TAS2R1: variants seen among roughly 807,000 people sequenced by gnomAD.
TAS2R1 encodes taste 2 receptor member 1, also known as taste receptor type 2 member 1.
For synonymous variants in TAS2R1, 141 were observed against 134.2 expected (o/e 1.05, Z -0.35); for missense variants, 370 against 353.4 (o/e 1.05, Z -0.38).
chr5:9,881,141 G>T, the TAS2R1 span, among the ~76,000 whole-genome samples: 1 of 152,064 alleles, frequency 6.6e-6, no homozygotes, highest in Non-Finnish European at 1.5e-5. Flanking sequence ...CCAAAGTGGG[G>T]CAACTTCAGC....
chr5:9,683,501 C>T (rs1741067939), intron 1 of TAS2R1, among the ~76,000 whole-genome samples: 1 of 152,172 alleles, frequency 6.6e-6, no homozygotes, highest in Admixed American at 6.5e-5. Flanking sequence ...GCAACACATC[C>T]TAATGCTCAA....
At chr5:9,877,174 A>G in the TAS2R1 span, among the ~76,000 whole-genome samples, 1 of 152,140 alleles carries the variant, frequency 6.6e-6, no homozygotes, top group Non-Finnish European at 1.5e-5. Flanking sequence ...TATTTTCACA[A>G]CTGGCCTCTC....
chr5:9,764,228 T>C, the TAS2R1 span, among the ~76,000 whole-genome samples: 1 of 152,268 alleles, frequency 6.6e-6, no homozygotes, highest in South Asian at 2.1e-4. Flanking sequence ...CTTCTTCATC[T>C]GAAATTTTCA....
the TAS2R1 span, among the ~76,000 whole-genome samples, chr5:9,826,407 T>C: frequency 6.6e-6 from 1 of 152,218 alleles, no homozygotes; most frequent in Non-Finnish European, 1.5e-5. Flanking sequence ...TACTAATACC[T>C]ACATGATCCC....
At chr5:9,718,948 G>A in the TAS2R1 span, among the ~76,000 whole-genome samples, 2 of 152,142 alleles carry the variant, frequency 1.3e-5, no homozygotes, top group Non-Finnish European at 2.9e-5. Flanking sequence ...AGGCTAAAGA[G>A]TCATGACAAC....
chr5:9,882,665 A>G, the TAS2R1 span, among the ~76,000 whole-genome samples: 1 of 152,250 alleles, frequency 6.6e-6, no homozygotes, highest in African/African-American at 2.4e-5. Context: ...TAAATAGTCA[A>G]GAAACAACAG....
chr5:9,698,654 T>C (rs1325378422), intron 1 of TAS2R1, among the ~76,000 whole-genome samples: 1 of 152,132 alleles, frequency 6.6e-6, no homozygotes, highest in Non-Finnish European at 1.5e-5. Flanking sequence ...AGAAGTCAGA[T>C]GAATTCTATT....
At chr5:9,846,449 ATTTCTATGCAT>A in the TAS2R1 span, among the ~76,000 whole-genome samples, 1 of 152,140 alleles carries the variant, frequency 6.6e-6, no homozygotes, top group Non-Finnish European at 1.5e-5. Context: ...CGGACACGCT[ATTTCTATGCAT>A]TTGTCTTAGA....
chr5:9,868,399 T>C, the TAS2R1 span, among the ~76,000 whole-genome samples: 1 of 152,206 alleles, frequency 6.6e-6, no homozygotes, highest in Non-Finnish European at 1.5e-5. Flanking sequence ...ACGTGGAAGC[T>C]GTTAAGGCTT....
the TAS2R1 span, among the ~76,000 whole-genome samples, chr5:9,821,131 T>C: frequency 6.6e-6 from 1 of 152,078 alleles, no homozygotes; most frequent in African/African-American, 2.4e-5. Context: ...CTTTATTGGT[T>C]CTAAATATAA....
the TAS2R1 span, among the ~76,000 whole-genome samples, chr5:9,877,573 T>A: frequency 6.6e-6 from 1 of 152,268 alleles, no homozygotes; most frequent in African/African-American, 2.4e-5. Flanking sequence ...AAGCAATCTG[T>A]CATCAATTGT....
the TAS2R1 span, chr5:9,862,973 C>T: frequency 6.6e-6 from 1 of 152,126 alleles, no homozygotes; most frequent in Admixed American, 6.5e-5. Flanking sequence ...TTCATGTCCT[C>T]GAAAGATCTT....
chr5:9,748,362 G>C, the TAS2R1 span, among the ~76,000 whole-genome samples: 1 of 152,138 alleles, frequency 6.6e-6, no homozygotes, highest in Non-Finnish European at 1.5e-5. Context: ...AATTTAAAAA[G>C]AGGTTGCAAT....
the TAS2R1 span, among the ~76,000 whole-genome samples, chr5:9,733,740 G>C: frequency 6.6e-6 from 1 of 151,906 alleles, no homozygotes; most frequent in Admixed American, 6.6e-5. Flanking sequence ...CACTGGGAAA[G>C]CAAAACACAG....
At chr5:9,774,025 C>T in the TAS2R1 span, among the ~76,000 whole-genome samples, 3 of 152,136 alleles carry the variant, frequency 2.0e-5, no homozygotes, top group East Asian at 5.8e-4. Flanking sequence ...TCTCTTTTTC[C>T]ACCTCCTCTT....
intron 1 of TAS2R1, among the ~76,000 whole-genome samples, chr5:9,677,128 C>G (rs1438903134): frequency 6.6e-6 from 1 of 152,154 alleles, no homozygotes; most frequent in African/African-American, 2.4e-5. Context: ...AGCTGGAAAC[C>G]ATTATCGTTA....
chr5:9,798,733 C>T, the TAS2R1 span, among the ~76,000 whole-genome samples: 1 of 152,210 alleles, frequency 6.6e-6, no homozygotes, highest in East Asian at 1.9e-4. Flanking sequence ...TTAAATCAGG[C>T]TTGAAGTCCG....
chr5:9,649,304 T>C (rs540867839), intron 2 of TAS2R1, among the ~76,000 whole-genome samples: 1 of 152,322 alleles, frequency 6.6e-6, no homozygotes, highest in East Asian at 1.9e-4. Flanking sequence ...CACAATTGCA[T>C]TTGAAATAAG....
the TAS2R1 span, among the ~76,000 whole-genome samples, chr5:9,719,670 T>C: frequency 3.3e-5 from 5 of 150,520 alleles, no homozygotes; most frequent in African/African-American, 1.0e-4. Flanking sequence ...GGCTCACGCC[T>C]GTAATCCCAG....
Sources: allele counts gnomAD v4.1 joint callset (sites outside exome capture counted in the v4.1 genomes callset), GRCh38; gene constraint gnomAD v4.1.1; transcripts MANE v1.5; gene names NCBI Gene and HGNC (gene_info 2026-07-23, HGNC 2026-07-21).